The following DPP10 variants were observed in gnomAD, a reference collection of about 807,000 sequenced individuals.
DPP10 encodes the protein inactive dipeptidyl peptidase 10.
In DPP10, 33 loss-of-function variants were observed where a neutral mutation model predicts 120.9. That is an observed-to-expected ratio of 0.27 (90% CI 0.21 to 0.37). The LOEUF is 0.37. Among genes scored for constraint, DPP10 ranks in the 10% least tolerant of loss-of-function variants. The pLI is 1.00. For missense variants in DPP10, 816 were observed against 942.8 expected (o/e 0.87, Z 1.76); for synonymous variants, 337 against 326.1 (o/e 1.03, Z -0.36).
At chr2:115,050,971 TAAAC>T (rs758401329) in intron 1 of DPP10, among the ~76,000 whole-genome samples, 15 of 152,152 alleles carry the variant, frequency 9.9e-5, no homozygotes, top group Non-Finnish European at 1.8e-4. Context: ...GAAAAGTCAC[TAAAC>T]AAACAATCAC....
At chr2:114,872,766 C>T (rs1449426179) in intron 1 of DPP10, among the ~76,000 whole-genome samples, 1 of 152,194 alleles carries the variant, frequency 6.6e-6, no homozygotes, top group Non-Finnish European at 1.5e-5. Flanking sequence ...ACAAACATCA[C>T]TGGAGATCTT....
intron 5 of DPP10, among the ~76,000 whole-genome samples, chr2:115,536,986 T>A (rs2148945773): frequency 6.6e-6 from 1 of 152,156 alleles, no homozygotes; most frequent in Non-Finnish European, 1.5e-5. Context: ...TAGTGAGACT[T>A]ATTTTAAAAC....
chr2:115,710,192 A>G (rs1053272763), intron 7 of DPP10, among the ~76,000 whole-genome samples: 7 of 152,150 alleles, frequency 4.6e-5, no homozygotes, highest in Non-Finnish European at 8.8e-5. Context: ...AAAGAATAAT[A>G]TGATAGGGGA....
chr2:115,641,074 A>AAAG (rs2086737912), intron 5 of DPP10, among the ~76,000 whole-genome samples: 1 of 152,174 alleles, frequency 6.6e-6, no homozygotes, highest in East Asian at 1.9e-4. Context: ...TACATACAGG[A>AAAG]AAGTACTCCT....
At chr2:115,597,592 A>G (rs990259900) in intron 5 of DPP10, among the ~76,000 whole-genome samples, 5 of 150,332 alleles carry the variant, frequency 3.3e-5, no homozygotes, top group South Asian at 4.2e-4. Flanking sequence ...TGCATTATAT[A>G]TATTTCATTT....
intron 3 of DPP10, among the ~76,000 whole-genome samples, chr2:115,382,002 T>C (rs1269139690): frequency 6.6e-6 from 1 of 152,104 alleles, no homozygotes; most frequent in African/African-American, 2.4e-5. Context: ...ACTGCTGTCT[T>C]TTTGTTTGTC....
At chr2:115,759,373 C>A (rs1000450583) in intron 11 of DPP10, among the ~76,000 whole-genome samples, 2 of 148,342 alleles carry the variant, frequency 1.3e-5, no homozygotes, top group African/African-American at 5.0e-5. Flanking sequence ...GCCTGGACAA[C>A]AAAATGAGAT....
chr2:115,385,966 TA>T, intron 3 of DPP10, among the ~76,000 whole-genome samples: 1 of 152,204 alleles, frequency 6.6e-6, no homozygotes, highest in Non-Finnish European at 1.5e-5. Flanking sequence ...ATTCTATGAC[TA>T]TACCACTTGG....
chr2:115,142,532 C>A (rs1224431007), intron 1 of DPP10, among the ~76,000 whole-genome samples: 1 of 152,208 alleles, frequency 6.6e-6, no homozygotes, highest in African/African-American at 2.4e-5. Context: ...AGAAGTTCAA[C>A]TGTTTCAAAG....
At chr2:114,815,203 A>G (rs1327732672) in intron 1 of DPP10, among the ~76,000 whole-genome samples, 44 of 152,182 alleles carry the variant, frequency 2.9e-4, no homozygotes, top group Admixed American at 2.9e-3. Flanking sequence ...TTTTACTTAC[A>G]TTTGCATACA....
At chr2:114,481,985 A>AAGAGAG (rs149076386) in intron 1 of DPP10, among the ~76,000 whole-genome samples, 1 of 150,116 alleles carries the variant, frequency 6.7e-6, no homozygotes, top group African/African-American at 2.5e-5. Flanking sequence ...GAGAGAAAGA[A>AAGAGAG]AGAGAGAGAG....
intron 1 of DPP10, among the ~76,000 whole-genome samples, chr2:115,080,500 GTAAA>G (rs1185047901): frequency 6.6e-6 from 1 of 152,096 alleles, no homozygotes; most frequent in Non-Finnish European, 1.5e-5. Context: ...ATCTTATTCT[GTAAA>G]TAGAGTTTTG....
chr2:114,736,547 CAG>C (rs1185772682), intron 1 of DPP10, among the ~76,000 whole-genome samples: 2 of 151,304 alleles, frequency 1.3e-5, no homozygotes, highest in Non-Finnish European at 2.9e-5. Context: ...TCATAAAAGA[CAG>C]AATCTATAAA....
At chr2:115,149,354 A>G (rs901025711) in intron 1 of DPP10, among the ~76,000 whole-genome samples, 3 of 152,184 alleles carry the variant, frequency 2.0e-5, no homozygotes, top group African/African-American at 4.8e-5. Flanking sequence ...TTCACCTACA[A>G]TTTGGTTACC....
chr2:115,072,312 T>C (rs1319752519), intron 1 of DPP10, among the ~76,000 whole-genome samples: 1 of 152,256 alleles, frequency 6.6e-6, no homozygotes, highest in Non-Finnish European at 1.5e-5. Flanking sequence ...CAGTTTAGCA[T>C]AGATATGTCT....
chr2:114,794,254 A>G (rs574434917), intron 1 of DPP10, among the ~76,000 whole-genome samples: 20 of 152,304 alleles, frequency 1.3e-4, no homozygotes, highest in Non-Finnish European at 1.9e-4. Flanking sequence ...AGCAAACCAT[A>G]CATCTTCGAT....
intron 5 of DPP10, among the ~76,000 whole-genome samples, chr2:115,540,387 CA>C (rs2079107012): frequency 6.6e-6 from 1 of 151,816 alleles, no homozygotes; most frequent in Admixed American, 6.6e-5. Context: ...ACACCAAGTA[CA>C]GTGTATGTGC....
At chr2:114,629,182 T>A (rs1018659271) in intron 1 of DPP10, among the ~76,000 whole-genome samples, 1 of 141,656 alleles carries the variant, frequency 7.1e-6, no homozygotes, top group Admixed American at 6.8e-5. Flanking sequence ...AGCTTTAGAG[T>A]AGAAAATTGC....
intron 5 of DPP10, among the ~76,000 whole-genome samples, chr2:115,546,939 A>G (rs1043638816): frequency 6.6e-6 from 1 of 152,172 alleles, no homozygotes; most frequent in Non-Finnish European, 1.5e-5. Flanking sequence ...AATGCTAATT[A>G]TTGGGTACCT....
Sources: allele counts gnomAD v4.1 joint callset (sites outside exome capture counted in the v4.1 genomes callset), GRCh38; gene constraint gnomAD v4.1.1; transcripts MANE v1.5; gene names NCBI Gene and HGNC (gene_info 2026-07-23, HGNC 2026-07-21).